EVC2: variants seen among roughly 807,000 people sequenced by gnomAD.
EVC2 encodes EvC ciliary complex subunit 2.
Under a neutral mutation model 149.3 loss-of-function variants are expected in EVC2, and 148 were observed. The ratio of observed to expected loss-of-function variants is 0.99; its 90% CI spans 0.87 to 1.14. The LOEUF is 1.14. Ranked by LOEUF, EVC2 falls within the 50% of genes most tolerant of loss-of-function variation. EVC2 has a pLI of 0.00. For missense variants in EVC2, 1,854 were observed against 1,627.3 expected (o/e 1.14, Z -2.40); for synonymous variants, 776 against 649.9 (o/e 1.19, Z -2.95).
At chr4:5,581,415 T>A (rs188657844) in intron 17 of EVC2, among the ~76,000 whole-genome samples, 1 of 152,328 alleles carries the variant, frequency 6.6e-6, no homozygotes, top group African/African-American at 2.4e-5. Flanking sequence ...AGGTCTCAGA[T>A]GGAGATGAGG....
At chr4:5,589,914 C>T (rs2108795246) in intron 16 of EVC2, among the ~76,000 whole-genome samples, 1 of 152,172 alleles carries the variant, frequency 6.6e-6, no homozygotes, top group Non-Finnish European at 1.5e-5. Flanking sequence ...CTCTTATTAC[C>T]TAAGGTGGAA....
At chr4:5,573,502 C>T (rs1722750801) in intron 19 of EVC2, among the ~76,000 whole-genome samples, 1 of 152,180 alleles carries the variant, frequency 6.6e-6, no homozygotes, top group Non-Finnish European at 1.5e-5. Flanking sequence ...GACCTCAGTC[C>T]TACAACCACA....
At chr4:5,665,755 C>T in intron 7 of EVC2, 106 bp from the exon 8 acceptor site, 1 of 1,524,166 alleles carries the variant, frequency 6.6e-7, no homozygotes, top group Non-Finnish European at 8.9e-7. Context: ...GACCAGGGGA[C>T]TCGCTTGCAT....
chr4:5,558,243 A>C (rs1312850366), downstream of EVC2, among the ~76,000 whole-genome samples: 1 of 152,234 alleles, frequency 6.6e-6, no homozygotes, highest in African/African-American at 2.4e-5. Context: ...CAGAGAGCCC[A>C]GAAATAGACC....
At chr4:5,704,008 G>A (rs1210413292) in intron 1 of EVC2, among the ~76,000 whole-genome samples, 1 of 152,124 alleles carries the variant, frequency 6.6e-6, no homozygotes, top group Non-Finnish European at 1.5e-5. Flanking sequence ...GGTGTTCAAG[G>A]AACACAAGGA....
chr4:5,530,477 A>G, the EVC2 span, among the ~76,000 whole-genome samples: 1 of 149,998 alleles, frequency 6.7e-6, no homozygotes, highest in African/African-American at 2.4e-5. Flanking sequence ...TGAAATGACA[A>G]CTACAGTCAA....
intron 19 of EVC2, among the ~76,000 whole-genome samples, chr4:5,572,327 T>C (rs1476451050): frequency 1.3e-5 from 2 of 152,218 alleles, no homozygotes; most frequent in African/African-American, 2.4e-5. Flanking sequence ...AAAACTCATG[T>C]TGAAACTTAA....
intron 3 of EVC2, among the ~76,000 whole-genome samples, chr4:5,694,028 A>C (rs1721299768): frequency 6.6e-6 from 1 of 152,228 alleles, no homozygotes; most frequent in Non-Finnish European, 1.5e-5. Context: ...GGGCACAGTC[A>C]TCTTTAATAG....
At chr4:5,605,663 G>A (rs1162245059) in intron 16 of EVC2, among the ~76,000 whole-genome samples, 1 of 152,212 alleles carries the variant, frequency 6.6e-6, no homozygotes, top group Non-Finnish European at 1.5e-5. Context: ...GTCCTGCCCA[G>A]GAACTCAGCA....
chr4:5,654,309 C>A (rs1256236420), intron 9 of EVC2, among the ~76,000 whole-genome samples: 1 of 151,954 alleles, frequency 6.6e-6, no homozygotes, highest in African/African-American at 2.4e-5. Context: ...CCAGGAAAGG[C>A]CCTGCGGCAG....
Position 5,708,400 on chromosome 4 carries a change from G to A in EVC2, c.114C>T (p.Arg38=), listed in dbSNP as rs1339797914. 1 of 1,499,846 alleles carries A rather than the reference G, an allele frequency of 6.7e-7. No individual in the cohort carries two copies. The highest frequency in any genetic ancestry group is 1.2e-5 in the South Asian group (1 of 80,252). The allele number at this position is 1,499,846 out of a possible 1,614,324, so 92.9% of individuals were successfully genotyped here. A position where few individuals can be genotyped will look rare whatever the true frequency, so the allele number is the denominator to read the frequency against. Residue 38 remains arginine, a synonymous_variant, in exon 1 of 22, where the codon CGC becomes CGT. Coordinates refer to ENST00000344408, the MANE Select transcript of EVC2 (RefSeq NM_147127.5). The stretch of plus-strand genomic sequence containing the variant: ...GTGGCTGCGCGCCGAGGGGGCGCCA[G>A]CGGGGACGTGAGCTGGCGCCGAGAC... ...RGCLGASSRP[R]WRPLGAQPPR...
At chr4:5,695,907 C>T (rs942145414) in intron 2 of EVC2, among the ~76,000 whole-genome samples, 2 of 152,086 alleles carry the variant, frequency 1.3e-5, no homozygotes, top group Admixed American at 6.5e-5. Flanking sequence ...AGATGTGGAG[C>T]TGGGTCCTGG....
intron 16 of EVC2, among the ~76,000 whole-genome samples, chr4:5,602,291 TAAAAA>T (rs571933194): frequency 2.4e-5 from 2 of 81,714 alleles, no homozygotes; most frequent in African/African-American, 5.0e-5. Context: ...CATTGCCTCT[TAAAAA>T]AAAAAAAAAA....
chr4:5,662,582 T>C (rs1176699588), intron 9 of EVC2, among the ~76,000 whole-genome samples: 2 of 143,988 alleles, frequency 1.4e-5, no homozygotes, highest in Non-Finnish European at 3.0e-5. Flanking sequence ...ATATTTATAT[T>C]AATCATATTT....
At position 5,599,113 on chromosome 4, in the gene EVC2, A is replaced by C. The variant is rs866235521; in HGVS notation, c.2830-14263T>G. ...TGTGGAGAAATAGGAACACTTTTAC[A>C]CTGTTGGTGGGACTGTAAACTAGTT... On this transcript the variant is annotated intron_variant, in intron 16 of 21. Transcript: ENST00000344408. Among the ~76,000 whole-genome samples, 879 of 152,074 alleles carry C rather than the reference A, an allele frequency of 5.8e-3. 5 individuals carry two copies. Among genetic ancestry groups the C allele is most frequent in the African/African-American group, 0.02 (814 of 41,410 alleles).
At chr4:5,646,008 C>A (rs1333226477) in intron 9 of EVC2, among the ~76,000 whole-genome samples, 2 of 152,174 alleles carry the variant, frequency 1.3e-5, no homozygotes, top group Non-Finnish European at 2.9e-5. Flanking sequence ...TGGCTCACTG[C>A]AACCTCCACC....
intron 16 of EVC2, among the ~76,000 whole-genome samples, chr4:5,585,620 A>T (rs1712212688): frequency 1.3e-5 from 2 of 152,140 alleles, no homozygotes; most frequent in African/African-American, 4.8e-5. Flanking sequence ...TAACTTCTTT[A>T]TAATAACCTG....
intron 14 of EVC2, among the ~76,000 whole-genome samples, chr4:5,620,298 C>A (rs1018875500): frequency 6.6e-6 from 1 of 152,196 alleles, no homozygotes; most frequent in Non-Finnish European, 1.5e-5. Flanking sequence ...TTATTCCTGC[C>A]ACTTTCAAAC....
intron 9 of EVC2, among the ~76,000 whole-genome samples, chr4:5,662,569 T>C (rs1388064611): frequency 1.4e-5 from 2 of 143,602 alleles, no homozygotes; most frequent in African/African-American, 2.5e-5. Flanking sequence ...TTAAATATAA[T>C]ATATATTTAT....
Sources: gnomAD v4.1 joint callset for allele counts (sites outside exome capture counted in the v4.1 genomes callset) on GRCh38, gnomAD v4.1.1 for gene constraint, MANE v1.5 for transcripts, NCBI Gene and HGNC (gene_info 2026-07-23, HGNC 2026-07-21) for gene names.